Variants in FHDC1 observed in about 807,000 individuals in gnomAD.
FHDC1 encodes FH2 domain containing 1.
A neutral mutation model predicts 52.6 loss-of-function variants in FHDC1; 25 were observed. The ratio of observed to expected loss-of-function variants is 0.48; its 90% CI spans 0.35 to 0.66. The LOEUF is 0.66. Ranked by LOEUF, FHDC1 falls within the 30% of genes least tolerant of loss-of-function variation. FHDC1 has a pLI of 0.01. For synonymous variants in FHDC1, 616 were observed against 581.5 expected (o/e 1.06, Z -0.85); for missense variants, 1,459 against 1,452.8 (o/e 1.00, Z -0.07).
rs1256254477 is a variant in FHDC1 at position 152,978,722 on chromosome 4, G to A, written c.*1999G>A. The stretch of plus-strand genomic sequence containing the variant: ...TTAGATCTGACATTGGTAGATAGAT[G>A]GATTTAGGCAAATATGATGCGTTTG... On this transcript the variant is annotated 3_prime_UTR_variant, in exon 12 of 12. Coordinates refer to ENST00000511601, the MANE Select transcript of FHDC1 (RefSeq NM_001371116.1). 1 of 152,084 alleles carries A rather than the reference G, an allele frequency of 6.6e-6. No homozygotes were observed. The highest frequency in any genetic ancestry group is 2.4e-5 in the African/African-American group (1 of 41,388). 9.4% of individuals were successfully genotyped at this position (152,084 alleles called of 1,614,324 possible). A position where few individuals can be genotyped will look rare whatever the true frequency, so the allele number is the denominator to read the frequency against.
the FHDC1 span, among the ~76,000 whole-genome samples, chr4:152,924,794 G>C: frequency 0.02 from 3,004 of 148,796 alleles, 51 homozygotes; most frequent in Middle Eastern, 0.049. Flanking sequence ...CTCACTTATA[G>C]GTGGGAATTG....
At chr4:152,911,588 C>G in the FHDC1 span, 1 of 152,608 alleles carries the variant, frequency 6.6e-6, no homozygotes, top group African/African-American at 2.4e-5. Flanking sequence ...AGGCATCCCT[C>G]ACCTGTTCAT....
chr4:152,931,935 T>TAAAA (rs200667161), upstream of FHDC1, among the ~76,000 whole-genome samples: 7 of 95,262 alleles, frequency 7.3e-5, no homozygotes, highest in Admixed American at 1.0e-4. Context: ...AGAACCTGTC[T>TAAAA]AAAAAAAAAA....
chr4:152,927,679 G>A, the FHDC1 span: 1 of 1,571,094 alleles, frequency 6.4e-7, no homozygotes, highest in Admixed American at 1.7e-5. Context: ...TCAAAAACAT[G>A]GTAAGAGGCT....
At chr4:152,960,714 A>G (rs376050246) in intron 5 of FHDC1, 30 bp from the exon 6 acceptor site, 116 of 1,611,676 alleles carry the variant, frequency 7.2e-5, no homozygotes, top group Admixed American at 2.0e-4. Flanking sequence ...ATGACATCAA[A>G]TTCTACAGTT....
Position 152,970,999 on chromosome 4 carries a change from C to T in FHDC1, c.1219-1378C>T, listed in dbSNP as rs568971457. Among the ~76,000 whole-genome samples, 3 of 152,328 alleles carry T rather than the reference C, an allele frequency of 2.0e-5. No individual in the cohort carries two copies. In the South Asian group the frequency reaches 6.2e-4, roughly 32 times the overall value. ...TTTCAAATATAACCTTTTTTAAAAA[C>T]ATGATACATGTGATTTCATAAAGTA... On this transcript the variant is annotated intron_variant, in intron 10 of 11. Coordinates refer to ENST00000511601, the MANE Select transcript of FHDC1 (RefSeq NM_001371116.1).
chr4:152,976,057 G>C lies in FHDC1; in HGVS notation c.2766G>C (p.Leu922=), dbSNP rs1253020698. ...SRGAGWRRPE[L]SSRGPSQNPP... is the part of the protein sequence containing the mutation. ...GCGCCGGCTGGAGGCGACCAGAGCT[G>C]TCATCCCGGGGGCCCTCCCAGAATC... Residue 922 remains leucine, a synonymous_variant, in exon 12 of 12, where the codon CTG becomes CTC. Transcript: ENST00000511601. 1 of 1,595,092 alleles carries C rather than the reference G, an allele frequency of 6.3e-7. No homozygotes were observed. Among genetic ancestry groups the C allele is most frequent in the Non-Finnish European group, 8.5e-7 (1 of 1,172,106 alleles).
the FHDC1 span, among the ~76,000 whole-genome samples, chr4:152,915,289 G>A: frequency 2.6e-5 from 4 of 152,156 alleles, no homozygotes; most frequent in South Asian, 4.2e-4. Flanking sequence ...AGTTTTGTGC[G>A]TTTAGTAGAG....
At chr4:152,935,171 T>C (rs1739327018), upstream of FHDC1, among the ~76,000 whole-genome samples, 1 of 151,952 alleles carries the variant, frequency 6.6e-6, no homozygotes, top group Non-Finnish European at 1.5e-5. Flanking sequence ...TTGGTTTGTT[T>C]ACACTAATAG....
chr4:152,963,769 GTTTTTTTTTTTTTTTTTTT>G lies in FHDC1; in HGVS notation c.1029+655_1029+673del, dbSNP rs58783965. The stretch of plus-strand genomic sequence containing the variant: ...GGAGTCTGATCCTATCCATTGCTTT[GTTTTTTTTTTTTTTTTTTT>G]TTTTTTTTTTTTTTTGACTGGATCT... On this transcript the variant is annotated intron_variant, in intron 8 of 11. Coordinates refer to ENST00000511601, the MANE Select transcript of FHDC1 (RefSeq NM_001371116.1). Among the ~76,000 whole-genome samples, 391 of 51,846 alleles carry G rather than the reference GTTTTTTTTTTTTTTTTTTT, an allele frequency of 7.5e-3. 8 individuals carry two copies. The highest frequency in any genetic ancestry group is 0.025 in the Middle Eastern group (1 of 40). 34.0% of individuals were successfully genotyped at this position (51,846 alleles called of 152,430 possible). A position where few individuals can be genotyped will look rare whatever the true frequency, so the allele number is the denominator to read the frequency against.
upstream of FHDC1, among the ~76,000 whole-genome samples, chr4:152,931,935 TAAAAA>T (rs200667161): frequency 1.0e-5 from 1 of 95,266 alleles, no homozygotes; most frequent in African/African-American, 4.9e-5. Flanking sequence ...AGAACCTGTC[TAAAAA>T]AAAAAAAAAA....
chr4:152,949,696 A>G (rs1427119888), intron 2 of FHDC1, among the ~76,000 whole-genome samples: 5 of 152,182 alleles, frequency 3.3e-5, no homozygotes, highest in African/African-American at 1.2e-4. Flanking sequence ...TGTCTCACTG[A>G]GTGGCATAGT....
chr4:152,973,109 C>T (rs1202039286), intron 11 of FHDC1, among the ~76,000 whole-genome samples: 2 of 152,196 alleles, frequency 1.3e-5, no homozygotes, highest in African/African-American at 4.8e-5. Context: ...CCTTTCTTGC[C>T]CTTCAACCAC....
At chr4:152,956,310 A>G (rs1201166462) in intron 4 of FHDC1, among the ~76,000 whole-genome samples, 1 of 152,206 alleles carries the variant, frequency 6.6e-6, no homozygotes, top group African/African-American at 2.4e-5. Flanking sequence ...TTGACAGCGC[A>G]TGTGAAAGTG....
At chr4:152,939,894 A>G (rs1041361248) in intron 1 of FHDC1, among the ~76,000 whole-genome samples, 2 of 152,200 alleles carry the variant, frequency 1.3e-5, no homozygotes, top group South Asian at 4.1e-4. Flanking sequence ...GGGACTACTT[A>G]GCATTTTCCA....
At chr4:152,917,764 G>T in the FHDC1 span, among the ~76,000 whole-genome samples, 8 of 152,126 alleles carry the variant, frequency 5.3e-5, no homozygotes, top group Admixed American at 1.3e-4. Context: ...TTCATTCGCC[G>T]CCTGATTCCA....
At position 152,954,334 on chromosome 4, in the gene FHDC1, G is replaced by A. The variant is rs750268720; in HGVS notation, c.663+15G>A. The A allele has an allele frequency of 4.0e-5, 64 of 1,595,982 alleles. No homozygotes were observed. The highest frequency in any genetic ancestry group is 2.3e-4 in the Admixed American group (14 of 59,964). On this transcript the variant is annotated intron_variant, in intron 4 of 11. Transcript: ENST00000511601. ...AGTCAGAAGAGGTAAGAAATTCAGC[G>A]CATGAGTTGTAGATGTTAGGAGTGA... is the stretch of plus-strand genomic sequence containing the variant.
At position 152,954,290 on chromosome 4, in the gene FHDC1, TTTC is replaced by T; in HGVS notation, c.637_639del (p.Leu213del). The T allele has an allele frequency of 6.2e-7, 1 of 1,614,138 alleles. No individual in the cohort carries two copies. Among genetic ancestry groups the T allele is most frequent in the South Asian group, 1.1e-5 (1 of 91,076 alleles). ...TTATGGATCAGAGACCTTGCGAGAA[TTTC>T]TTAAGTTTTTGCCAGAGTCAGAAGA... On this transcript the variant is annotated inframe_deletion, in exon 4 of 12. Coordinates refer to ENST00000511601, the MANE Select transcript of FHDC1 (RefSeq NM_001371116.1).
At chr4:152,935,147 G>C (rs1351652993), upstream of FHDC1, among the ~76,000 whole-genome samples, 1 of 152,132 alleles carries the variant, frequency 6.6e-6, no homozygotes, top group Non-Finnish European at 1.5e-5. Context: ...GCACAGTTTT[G>C]GTTTTGGGGT....
Sources: allele counts gnomAD v4.1 joint callset (sites outside exome capture counted in the v4.1 genomes callset), GRCh38; gene constraint gnomAD v4.1.1; transcripts MANE v1.5; gene names NCBI Gene and HGNC (gene_info 2026-07-23, HGNC 2026-07-21).